The following ARHGEF10 variants were observed in gnomAD, a reference collection of about 807,000 sequenced individuals.
ARHGEF10 encodes Rho guanine nucleotide exchange factor (GEF) 10.
A neutral mutation model predicts 147.4 loss-of-function variants in ARHGEF10; 140 were observed. The observed-to-expected ratio is 0.95, with a 90% CI of 0.83 to 1.09. The LOEUF is 1.09. Among genes scored for constraint, ARHGEF10 ranks in the 50% least tolerant of loss-of-function variants. The pLI, the probability that ARHGEF10 is intolerant of heterozygous loss-of-function variation, is 0.00. For synonymous variants in ARHGEF10, 902 were observed against 695.8 expected (o/e 1.30, Z -4.67); for missense variants, 2,222 against 1,752.7 (o/e 1.27, Z -4.78).
At chr8:1,894,705 T>C in intron 13 of ARHGEF10, 133 bp downstream of exon 13, 1 of 1,017,908 alleles carries the variant, frequency 9.8e-7, no homozygotes, top group Non-Finnish European at 1.5e-6. Flanking sequence ...AAGGCCAGGC[T>C]GAAGTTGCAA....
At position 1,922,950 on chromosome 8, in the gene ARHGEF10, T is replaced by G; in HGVS notation, c.2144-14T>G. 1 of 1,571,764 alleles carries G rather than the reference T, an allele frequency of 6.4e-7. No individual in the cohort carries two copies. Among genetic ancestry groups the G allele is most frequent in the East Asian group, 2.2e-5 (1 of 44,638 alleles). On this transcript the variant is annotated splice_polypyrimidine_tract_variant and intron_variant, in intron 18 of 28. Transcript: ENST00000349830. ...CCTTTGTATTCTTTTTTTTTCTTTTTGCTTATTTTGTAGACAAAGTTTACA... is the reference window on the plus strand; with the variant it reads ...CCTTTGTATTCTTTTTTTTTCTTTTGGCTTATTTTGTAGACAAAGTTTACA...
At chr8:1,949,719 C>G (rs1454552413) in intron 27 of ARHGEF10, among the ~76,000 whole-genome samples, 1 of 151,644 alleles carries the variant, frequency 6.6e-6, no homozygotes, top group Non-Finnish European at 1.5e-5. Context: ...TGGACTACAC[C>G]GTAAGGGAAT....
intron 7 of ARHGEF10, among the ~76,000 whole-genome samples, chr8:1,872,885 A>G (rs1807247401): frequency 6.6e-6 from 1 of 152,224 alleles, no homozygotes; most frequent in Non-Finnish European, 1.5e-5. Context: ...TGATCAGGAA[A>G]ACTCCTAGGT....
chr8:1,830,039 C>T (rs1228416363), intron 1 of ARHGEF10, among the ~76,000 whole-genome samples: 2 of 152,200 alleles, frequency 1.3e-5, no homozygotes. Flanking sequence ...CTCTGCCAGC[C>T]GTCAGAGGGC....
rs117388688 is a variant in ARHGEF10, at chr8:1,866,140, C to G, written c.546-386C>G. Among the ~76,000 whole-genome samples the G allele has an allele frequency of 2.6e-5, 4 of 152,324 alleles. No homozygotes were observed. The East Asian group carries it at 7.7e-4, about 29-fold the overall frequency. On this transcript the variant is annotated intron_variant, in intron 5 of 28. Coordinates refer to ENST00000349830, the MANE Select transcript of ARHGEF10 (RefSeq NM_014629.4). ...ACTGACCTGCTCCTGGACATGGAGACGGCCCATTGCCCGCTGGCATCTCTC... is the reference window on the plus strand; with the variant it reads ...ACTGACCTGCTCCTGGACATGGAGAGGGCCCATTGCCCGCTGGCATCTCTC...
intron 11 of ARHGEF10, among the ~76,000 whole-genome samples, chr8:1,892,275 CTCTGTGTGTGTGTG>C (rs1315469493): frequency 7.5e-5 from 7 of 93,380 alleles, no homozygotes; most frequent in Non-Finnish European, 1.4e-4. Context: ...CAGCTTCTGG[CTCTGTGTGTGTGTG>C]TGTGTGTGTG....
chr8:1,951,958 C>T (rs78043297), intron 27 of ARHGEF10, among the ~76,000 whole-genome samples: 9 of 98,338 alleles, frequency 9.2e-5, no homozygotes, highest in Admixed American at 9.7e-5. Flanking sequence ...CGCCGTGAGG[C>T]GGGGTCTTGG....
intron 28 of ARHGEF10, among the ~76,000 whole-genome samples, chr8:1,954,643 C>G (rs182639967): frequency 6.6e-6 from 1 of 152,212 alleles, no homozygotes; most frequent in Non-Finnish European, 1.5e-5. Context: ...CACACTGAGC[C>G]TCAGCTGCCC....
At chr8:1,923,272 G>C in intron 19 of ARHGEF10, 193 bp downstream of exon 19, 3 of 933,864 alleles carry the variant, frequency 3.2e-6, no homozygotes, top group Non-Finnish European at 4.9e-6. Context: ...TTTGCAAATA[G>C]GGTTTAATAT....
intron 9 of ARHGEF10, 36 bp from the exon 10 acceptor site, chr8:1,882,599 C>T (rs201059241): frequency 2.3e-5 from 35 of 1,525,586 alleles, no homozygotes; most frequent in South Asian, 8.4e-5. Flanking sequence ...TGGGTTCTGC[C>T]GCCGTCCCGT....
intron 1 of ARHGEF10, among the ~76,000 whole-genome samples, chr8:1,837,491 A>G (rs184630605): frequency 1.3e-5 from 2 of 152,154 alleles, no homozygotes; most frequent in African/African-American, 4.8e-5. Context: ...AGAGAAACAA[A>G]TAGCATGAAT....
Position 1,956,834 on chromosome 8 carries a change from C to G in ARHGEF10, c.3606C>G (p.Asp1202Glu), listed in dbSNP as rs1429492085. The G allele has an allele frequency of 6.2e-7, 1 of 1,614,070 alleles. No individual in the cohort carries two copies. ...CGGCTCTGCACGAGAAAGACAAGGA[C>G]AAATCCAGGGACAGCCTGGCTCCTG... is the stretch of plus-strand genomic sequence containing the variant. ...LATALHEKDK[D>E]KSRDSLAPGP... is the part of the protein sequence containing the mutation. The change falls in exon 29 of 29, where the codon GAC becomes GAG. Residue 1202 changes from aspartate (D) to glutamate (E), a missense_variant. By Grantham distance (45) the Asp-to-Glu change is conservative. Coordinates refer to ENST00000349830, the MANE Select transcript of ARHGEF10 (RefSeq NM_014629.4).
At chr8:1,843,513 C>A in intron 2 of ARHGEF10, 77 bp downstream of exon 2, 2 of 1,123,306 alleles carry the variant, frequency 1.8e-6, no homozygotes, top group South Asian at 1.3e-5. Context: ...CTTCTGGAAC[C>A]ACTGAATTGC....
chr8:1,937,164 A>T lies in ARHGEF10; in HGVS notation c.3222+3222A>T, dbSNP rs1354420962. ...TACATGTTAGATGATTTTTGGCAGT[A>T]TTGTTCCTGTTACTTTTCATATCCA... On this transcript the variant is annotated intron_variant, in intron 26 of 28. Coordinates refer to ENST00000349830, the MANE Select transcript of ARHGEF10 (RefSeq NM_014629.4). The surrounding 1 kb of genome is among the most constrained non-coding windows in gnomAD (Gnocchi z 4.9). 6.6e-6 allele frequency among the ~76,000 whole-genome samples: 1 copy of T among 152,108 alleles called. No homozygotes were observed. The highest frequency in any genetic ancestry group is 1.5e-5 in the Non-Finnish European group (1 of 68,048).
chr8:1,940,064 G>A (rs1813959174), intron 26 of ARHGEF10, among the ~76,000 whole-genome samples: 1 of 152,196 alleles, frequency 6.6e-6, no homozygotes, highest in African/African-American at 2.4e-5. Context: ...AGGTTGCGCT[G>A]GGTTAAAAAC....
Position 1,843,481 on chromosome 8 carries a change from T to C in ARHGEF10, c.37+45T>C, listed in dbSNP as rs376764556. 180 of 1,463,052 alleles carry C rather than the reference T, an allele frequency of 1.2e-4. 1 individual carries two copies. In the African/African-American group the frequency reaches 2.2e-3, roughly 18 times the overall value. The allele number at this position is 1,463,052 out of a possible 1,614,324, so 90.6% of individuals were successfully genotyped here. On this transcript the variant is annotated intron_variant, in intron 2 of 28. Coordinates refer to ENST00000349830, the MANE Select transcript of ARHGEF10 (RefSeq NM_014629.4). The stretch of plus-strand genomic sequence containing the variant: ...GGGCCTGTGGGTCAGGTTGTGCTGC[T>C]GCTCTCATCAAGGACGGGGTACTTC...
intron 2 of ARHGEF10, among the ~76,000 whole-genome samples, chr8:1,849,536 GCGGC>G (rs1804841415): frequency 6.8e-6 from 1 of 147,490 alleles, no homozygotes; most frequent in Non-Finnish European, 1.5e-5. Context: ...AGGGCGTGGG[GCGGC>G]CACGTGGGCA....
At chr8:1,917,945 ATTTT>A (rs796327045) in intron 18 of ARHGEF10, among the ~76,000 whole-genome samples, 1 of 141,574 alleles carries the variant, frequency 7.1e-6, no homozygotes, top group Non-Finnish European at 1.6e-5. Flanking sequence ...TGCCTGGCTA[ATTTT>A]TTTTTTTTTT....
chr8:1,902,396 G>T (rs531834275), intron 15 of ARHGEF10, among the ~76,000 whole-genome samples: 3 of 152,276 alleles, frequency 2.0e-5, no homozygotes, highest in Non-Finnish European at 4.4e-5. Context: ...GCAGCAGTGC[G>T]TCATTTTTTG....
Sources: allele counts gnomAD v4.1 joint callset (sites outside exome capture counted in the v4.1 genomes callset), GRCh38; gene constraint gnomAD v4.1.1; non-coding constraint Gnocchi (gnomAD v3.1); transcripts MANE v1.5; gene names NCBI Gene and HGNC (gene_info 2026-07-23, HGNC 2026-07-21).